The following LRRC4C variants were observed in gnomAD, a reference collection of about 807,000 sequenced individuals.
LRRC4C encodes leucine rich repeat containing 4C.
A neutral mutation model predicts 33.6 loss-of-function variants in LRRC4C; 5 were observed. The ratio of observed to expected loss-of-function variants is 0.15; its 90% CI spans 0.08 to 0.31. LRRC4C has a LOEUF of 0.31. LRRC4C is among the 10% of genes least tolerant of loss of function. LRRC4C has a pLI of 1.00. For missense variants in LRRC4C, 560 were observed against 796.7 expected (o/e 0.70, Z 3.58); for synonymous variants, 329 against 302.0 (o/e 1.09, Z -0.93).
chr11:40,476,590 C>G (rs1590858867), intron 3 of LRRC4C, among the ~76,000 whole-genome samples: 1 of 151,922 alleles, frequency 6.6e-6, no homozygotes, highest in Non-Finnish European at 1.5e-5. Flanking sequence ...GTGATCCACC[C>G]GCCTCAGCCT....
chr11:40,522,713 C>G (rs1368724554), intron 3 of LRRC4C, among the ~76,000 whole-genome samples: 1 of 152,172 alleles, frequency 6.6e-6, no homozygotes, highest in South Asian at 2.1e-4. Context: ...CCCATTTCCC[C>G]TACTAAGTCT....
chr11:41,312,340 G>A (rs1355259909), intron 1 of LRRC4C, among the ~76,000 whole-genome samples: 3 of 152,110 alleles, frequency 2.0e-5, no homozygotes, highest in Non-Finnish European at 4.4e-5. Flanking sequence ...ATATTCTCAT[G>A]AACCATTTTA....
At chr11:40,746,298 A>G (rs1309874524) in intron 2 of LRRC4C, among the ~76,000 whole-genome samples, 4 of 152,146 alleles carry the variant, frequency 2.6e-5, no homozygotes, top group South Asian at 2.1e-4. Flanking sequence ...TACACTAGAC[A>G]TGAACAGCTA....
intron 4 of LRRC4C, among the ~76,000 whole-genome samples, chr11:40,285,743 A>T (rs1286279979): frequency 6.6e-6 from 1 of 152,178 alleles, no homozygotes; most frequent in African/African-American, 2.4e-5. Flanking sequence ...AACTGCAGAC[A>T]TCTCAAGCCC....
chr11:41,218,895 G>A (rs1947180441), intron 1 of LRRC4C, among the ~76,000 whole-genome samples: 1 of 150,770 alleles, frequency 6.6e-6, no homozygotes, highest in East Asian at 2.0e-4. Context: ...AGCCTCCAGA[G>A]TAGCTGGGAC....
Position 40,817,117 on chromosome 11 carries a change from C to G in LRRC4C, c.-407+116518G>C, listed in dbSNP as rs146884617. ...AATAAATAAGGATCGAAAGCTAGAA[C>G]AGCCAACCTGGTTATTCCTTTGCCT... On this transcript the variant is annotated intron_variant, in intron 2 of 6. Transcript: ENST00000528697. Among the ~76,000 whole-genome samples the G allele has an allele frequency of 1.4e-3, 220 of 152,246 alleles. 2 individuals are homozygous for G. The highest frequency in any genetic ancestry group is 5.1e-3 in the African/African-American group (214 of 41,562).
chr11:40,289,536 A>C (rs1041859503), intron 4 of LRRC4C, among the ~76,000 whole-genome samples: 1 of 152,170 alleles, frequency 6.6e-6, no homozygotes, highest in African/African-American at 2.4e-5. Context: ...GCTTACTCAC[A>C]AATGTCTTTC....
chr11:41,276,345 C>T (rs2136888941), intron 1 of LRRC4C, among the ~76,000 whole-genome samples: 1 of 133,370 alleles, frequency 7.5e-6, no homozygotes, highest in African/African-American at 2.5e-5. Context: ...GCTCCTTGAA[C>T]ATGCCCATCC....
At chr11:40,772,364 C>T (rs1949794866) in intron 2 of LRRC4C, among the ~76,000 whole-genome samples, 1 of 152,142 alleles carries the variant, frequency 6.6e-6, no homozygotes, top group Non-Finnish European at 1.5e-5. Context: ...GTCCCTCTCC[C>T]AACACATGGT....
At chr11:40,782,802 C>A (rs1004182720) in intron 2 of LRRC4C, among the ~76,000 whole-genome samples, 9 of 151,986 alleles carry the variant, frequency 5.9e-5, no homozygotes, top group African/African-American at 2.2e-4. Flanking sequence ...GGTAAAAAGT[C>A]TTTCTGTCAC....
chr11:40,759,795 G>T (rs11036066), intron 2 of LRRC4C, among the ~76,000 whole-genome samples: 28,475 of 151,454 alleles, frequency 0.19, 3,034 homozygotes, highest in East Asian at 0.41. Flanking sequence ...TTCCTGATCA[G>T]CCAACTTCCC....
At chr11:40,669,395 C>G (rs759277345) in intron 2 of LRRC4C, among the ~76,000 whole-genome samples, 2 of 152,198 alleles carry the variant, frequency 1.3e-5, no homozygotes, top group Non-Finnish European at 2.9e-5. Context: ...TCACTTTTCC[C>G]TGCTTTTAGA....
At chr11:41,083,205 C>T (rs1206051663) in intron 1 of LRRC4C, among the ~76,000 whole-genome samples, 1 of 152,064 alleles carries the variant, frequency 6.6e-6, no homozygotes, top group East Asian at 1.9e-4. Context: ...TTGGATAACC[C>T]ACAAAGTATT....
At chr11:41,090,557 T>C (rs1448537756) in intron 1 of LRRC4C, among the ~76,000 whole-genome samples, 1 of 152,150 alleles carries the variant, frequency 6.6e-6, no homozygotes, top group East Asian at 1.9e-4. Context: ...TACCACTGAC[T>C]AATGCAGCTA....
intron 1 of LRRC4C, among the ~76,000 whole-genome samples, chr11:41,245,488 C>A (rs1327429140): frequency 6.6e-6 from 1 of 152,180 alleles, no homozygotes; most frequent in Non-Finnish European, 1.5e-5. Context: ...TGTGGCTAGA[C>A]CAGGCATACC....
intron 2 of LRRC4C, among the ~76,000 whole-genome samples, chr11:40,780,746 C>A (rs1250766159): frequency 6.6e-6 from 1 of 151,036 alleles, no homozygotes; most frequent in Non-Finnish European, 1.5e-5. Flanking sequence ...AAATAACACT[C>A]CATGAATTCA....
intron 1 of LRRC4C, among the ~76,000 whole-genome samples, chr11:41,163,825 T>G (rs1317170215): frequency 1.3e-5 from 2 of 152,108 alleles, no homozygotes; most frequent in Non-Finnish European, 2.9e-5. Flanking sequence ...TTGGCCAGGC[T>G]GGTCTCGAAC....
intron 3 of LRRC4C, among the ~76,000 whole-genome samples, chr11:40,643,975 G>A (rs1047961699): frequency 6.6e-6 from 1 of 151,982 alleles, no homozygotes; most frequent in African/African-American, 2.4e-5. Flanking sequence ...CCAACAATCA[G>A]GGAGATTTAA....
chr11:40,990,711 G>A (rs1022771631), intron 1 of LRRC4C, among the ~76,000 whole-genome samples: 1 of 152,124 alleles, frequency 6.6e-6, no homozygotes, highest in African/African-American at 2.4e-5. Flanking sequence ...GAAATCAAGA[G>A]AAGAACACAA....
Sources: gnomAD v4.1 joint callset for allele counts (sites outside exome capture counted in the v4.1 genomes callset) on GRCh38, gnomAD v4.1.1 for gene constraint, MANE v1.5 for transcripts, NCBI Gene and HGNC (gene_info 2026-07-23, HGNC 2026-07-21) for gene names.